The following ABHD8 variants were observed in gnomAD, a reference collection of about 807,000 sequenced individuals.
ABHD8 encodes the protein abhydrolase domain containing 8.
Under a neutral mutation model 29.3 loss-of-function variants are expected in ABHD8, and 10 were observed. The ratio of observed to expected loss-of-function variants is 0.34; its 90% CI spans 0.21 to 0.58. The LOEUF (loss-of-function observed/expected upper bound fraction) is 0.58. Ranked by LOEUF, ABHD8 falls within the 20% of genes least tolerant of loss-of-function variation. ABHD8 has a pLI of 0.85. For missense variants in ABHD8, 556 were observed against 615.3 expected, an observed-to-expected ratio of 0.90 and a Z score of 1.02; for synonymous variants, 282 against 274.6, an observed-to-expected ratio of 1.03 and a Z score of -0.27.
chr19:17,297,513 C>A (rs2074098272), intron 2 of ABHD8, among the ~76,000 whole-genome samples: 2 of 152,088 alleles, frequency 1.3e-5, no homozygotes, highest in African/African-American at 4.8e-5. Context: ...CCAGGCTGGT[C>A]TTGAACTCCT....
chr19:17,294,024 G>A (rs916214522), intron 4 of ABHD8, among the ~76,000 whole-genome samples: 6 of 152,070 alleles, frequency 3.9e-5, no homozygotes, highest in Non-Finnish European at 8.8e-5. Context: ...TTCTTACAGC[G>A]GTGGGGACAG....
Position 17,301,484 on chromosome 19 carries a change from G to A in ABHD8, c.133C>T (p.Arg45Trp). The A allele has an allele frequency of 1.2e-6, 2 of 1,611,418 alleles. No homozygotes were observed. Among genetic ancestry groups the A allele is most frequent in the Non-Finnish European group, 1.7e-6 (2 of 1,179,688 alleles). ...GGGGCGGGTCCTGCATGCTTCACCC[G>A]CAGCACGCGGCCGGGCTTGACCTCT... ...FVEVKPGRVL[R>W]VKHAGPAPAA... is the part of the protein sequence containing the mutation. Residue 45 changes from arginine to tryptophan, a missense_variant, in exon 2 of 5, where the codon CGG becomes TGG. Physicochemically the swap from Arg to Trp is moderately radical, Grantham distance 101. This residue lies in a region of ABHD8 where 286 missense variants were observed against 261.4 expected (regional missense o/e 1.09). Coordinates refer to ENST00000247706, the MANE Select transcript of ABHD8 (RefSeq NM_024527.5).
At chr19:17,299,236 C>CCG (rs1555720782) in intron 2 of ABHD8, among the ~76,000 whole-genome samples, 14 of 137,250 alleles carry the variant, frequency 1.0e-4, no homozygotes, top group Non-Finnish European at 2.3e-4. Context: ...ATAATGAGAC[C>CCG]CCCCCCCCAT....
At chr19:17,299,243 C>A (rs568501768) in intron 2 of ABHD8, among the ~76,000 whole-genome samples, 1 of 148,644 alleles carries the variant, frequency 6.7e-6, no homozygotes, top group Non-Finnish European at 1.5e-5. Flanking sequence ...GACCCCCCCC[C>A]CATTCTCTAT....
At chr19:17,293,820 A>G (rs1407958058) in intron 4 of ABHD8, among the ~76,000 whole-genome samples, 1 of 151,926 alleles carries the variant, frequency 6.6e-6, no homozygotes, top group Non-Finnish European at 1.5e-5. Context: ...CAGCCTCCCA[A>G]GTTGCAGCGA....
In ABHD8 at chr19:17,294,388, C is replaced by T; in HGVS notation, c.1049G>A (p.Gly350Asp). Residue 350 changes from glycine to aspartate, a missense_variant, in exon 4 of 5, where the codon GGC becomes GAC. Around this residue, in one of 2 missense-constraint regions of ABHD8, gnomAD observed 270 missense variants for 353.9 expected, o/e 0.76. Coordinates refer to ENST00000247706, the MANE Select transcript of ABHD8 (RefSeq NM_024527.5). ...GAGCTCGGCGTGGTAGACCTCGTCG[C>T]CCTCGGGCCAGTACTGGCCGCTCAT... ...AMMSGQYWPE[G>D]DEVYHAELTV... 1.9e-6 allele frequency: 3 copies of T among 1,613,974 alleles called. No individual in the cohort carries two copies. Among genetic ancestry groups the T allele is most frequent in the Non-Finnish European group, 2.5e-6 (3 of 1,179,998 alleles).
chr19:17,298,633 T>C (rs1335854097), intron 2 of ABHD8, among the ~76,000 whole-genome samples: 1 of 151,338 alleles, frequency 6.6e-6, no homozygotes, highest in Non-Finnish European at 1.5e-5. Context: ...TGTAGTTGCA[T>C]CCAGTGGGCA....
At chr19:17,296,886 G>T (rs13343778) in intron 2 of ABHD8, among the ~76,000 whole-genome samples, 37,140 of 151,846 alleles carry the variant, frequency 0.24, 4,883 homozygotes, top group Non-Finnish European at 0.29. Flanking sequence ...GTAGAGACGG[G>T]GTTTCACCGT....
chr19:17,292,420 T>G lies in ABHD8; in HGVS notation c.*241A>C. ...TGTACAAGGTCATCTTCCGTGAGGG[T>G]CCCGGCTGCGGCCCCAAAACGCCGA... On this transcript the variant is annotated 3_prime_UTR_variant, in exon 5 of 5. Transcript: ENST00000247706. The G allele has an allele frequency of 1.9e-6, 1 of 521,000 alleles. No individual in the cohort carries two copies. Among genetic ancestry groups the G allele is most frequent in the Non-Finnish European group, 3.3e-6 (1 of 301,580 alleles). 32.3% of individuals were successfully genotyped at this position (521,000 alleles called of 1,614,324 possible). A position where few individuals can be genotyped will look rare whatever the true frequency, so the allele number is the denominator to read the frequency against.
chr19:17,293,309 CTGA>C (rs1462094223), intron 4 of ABHD8, among the ~76,000 whole-genome samples: 1 of 152,026 alleles, frequency 6.6e-6, no homozygotes, highest in Admixed American at 6.6e-5. Context: ...GTTTGTCAGG[CTGA>C]TCTCCAACTC....
At chr19:17,299,937 T>C (rs565662433) in intron 2 of ABHD8, among the ~76,000 whole-genome samples, 3 of 150,460 alleles carry the variant, frequency 2.0e-5, no homozygotes, top group Admixed American at 6.7e-5. Context: ...TCTCCTTCTG[T>C]CGCCCAGGCT....
intron 2 of ABHD8, among the ~76,000 whole-genome samples, chr19:17,296,002 C>T (rs2074092405): frequency 6.6e-6 from 1 of 150,658 alleles, no homozygotes; most frequent in South Asian, 2.1e-4. Flanking sequence ...TGAGCCGTGA[C>T]ACCCGGCCTG....
chr19:17,300,152 C>T (rs1014554108), intron 2 of ABHD8, among the ~76,000 whole-genome samples: 2 of 151,176 alleles, frequency 1.3e-5, no homozygotes, highest in African/African-American at 4.9e-5. Context: ...GATCCGCCCG[C>T]CTCAGCCTCC....
chr19:17,292,806 A>G lies in ABHD8; in HGVS notation c.1175T>C (p.Leu392Pro), dbSNP rs1439784952. The part of the protein sequence containing the change: ...AEILLLAFLK[L>P]IDEGSHMVML... ...CACCATGTGGCTGCCCTCGTCGATG[A>G]GCTTCAGGAATGCCAGGAGCAGGAT... is the stretch of plus-strand genomic sequence containing the variant. The change falls in exon 5 of 5, where the codon CTC (leucine) becomes CCC (proline). Residue 392 changes from leucine (L) to proline (P), a missense_variant. This residue lies in a region of ABHD8 where 270 missense variants were observed against 353.9 expected (regional missense o/e 0.76). Coordinates refer to ENST00000247706, the MANE Select transcript of ABHD8 (RefSeq NM_024527.5). The G allele has an allele frequency of 1.9e-6, 3 of 1,612,662 alleles. No homozygotes were observed. The highest frequency in any genetic ancestry group is 2.5e-6 in the Non-Finnish European group (3 of 1,179,320).
rs1038363255 is a variant in ABHD8, at chr19:17,298,697, C to A, written c.761+2159G>T. ...TAGCCCCTCACAGAAAAAAAATAAC[C>A]TGGCCAAACACGATAGTGCTGGGAT... On this transcript the variant is annotated intron_variant, in intron 2 of 4. Coordinates refer to ENST00000247706, the MANE Select transcript of ABHD8 (RefSeq NM_024527.5). 8.4e-4 allele frequency among the ~76,000 whole-genome samples: 126 copies of A among 150,682 alleles called. 1 individual carries two copies. Among genetic ancestry groups the A allele is most frequent in the South Asian group, 1.1e-3 (5 of 4,750 alleles).
chr19:17,297,526 C>A (rs1332402901), intron 2 of ABHD8, among the ~76,000 whole-genome samples: 1 of 152,048 alleles, frequency 6.6e-6, no homozygotes, highest in Non-Finnish European at 1.5e-5. Flanking sequence ...GAACTCCTGA[C>A]CTTGTGATCC....
chr19:17,292,912 C>T, intron 4 of ABHD8, 81 bp from the exon 5 acceptor site: 1 of 1,437,534 alleles, frequency 7.0e-7, no homozygotes. Flanking sequence ...CCGCCATACA[C>T]ACATGGCCCA....
Position 17,301,279 on chromosome 19 carries a change from G to A in ABHD8, c.338C>T (p.Pro113Leu). ...LLHGQNGSGE[P>L]PAALEVELAD... is the part of the protein sequence containing the mutation. ...CAGCTCCACCTCCAGGGCGGCCGGCGGCTCCCCAGAGCCATTCTGCCCGTG... is the reference window on the plus strand; with the variant it reads ...CAGCTCCACCTCCAGGGCGGCCGGCAGCTCCCCAGAGCCATTCTGCCCGTG... Residue 113 changes from proline (P) to leucine (L), a missense_variant, in exon 2 of 5, where the codon CCG becomes CTG. Around this residue, in one of 2 missense-constraint regions of ABHD8, gnomAD observed 286 missense variants for 261.4 expected, o/e 1.09. Transcript: ENST00000247706. 1 of 1,604,356 alleles carries A rather than the reference G, an allele frequency of 6.2e-7. No individual in the cohort carries two copies. Among genetic ancestry groups the A allele is most frequent in the Non-Finnish European group, 8.5e-7 (1 of 1,178,766 alleles).
rs867132263 is a variant in ABHD8, at chr19:17,301,313, C to T, written c.304G>A (p.Asp102Asn). 1 of 1,607,594 alleles carries T rather than the reference C, an allele frequency of 6.2e-7. No individual in the cohort carries two copies. The highest frequency in any genetic ancestry group is 8.5e-7 in the Non-Finnish European group (1 of 1,179,814). Residue 102 changes from aspartate to asparagine, a missense_variant, in exon 2 of 5, where the codon GAC becomes AAC. This residue lies in a region of ABHD8 where 286 missense variants were observed against 261.4 expected (regional missense o/e 1.09). Transcript: ENST00000247706. Reference sequence around the variant, plus strand: ...GAGCCATTCTGCCCGTGTAGGAGGTCGGCTCGAGGGGCTCGGCCCAGGTTT... The same window carrying T: ...GAGCCATTCTGCCCGTGTAGGAGGTTGGCTCGAGGGGCTCGGCCCAGGTTT... ...VENLGRAPRADLLHGQNGSGE... is the reference protein window; with the variant it reads ...VENLGRAPRANLLHGQNGSGE...
Sources: gnomAD v4.1 joint callset for allele counts (sites outside exome capture counted in the v4.1 genomes callset) on GRCh38, gnomAD v4.1.1 for gene constraint, gnomAD v4.1.1 regional missense constraint, MANE v1.5 for transcripts, NCBI Gene and HGNC (gene_info 2026-07-23, HGNC 2026-07-21) for gene names.